The following KDM4C variants were observed in gnomAD, a reference collection of about 807,000 sequenced individuals.
The protein encoded by KDM4C is lysine-specific demethylase 4C.
A neutral mutation model predicts 129.3 loss-of-function variants in KDM4C; 81 were observed. The ratio of observed to expected loss-of-function variants is 0.63; its 90% confidence interval spans 0.52 to 0.75. The LOEUF is 0.75. Ranked by LOEUF, KDM4C falls within the 30% of genes least tolerant of loss-of-function variation. The pLI, the probability that KDM4C is intolerant of heterozygous loss-of-function variation, is 0.00. For synonymous variants in KDM4C, 573 were observed against 456.1 expected (o/e 1.26, Z -3.26); for missense variants, 1,457 against 1,304.0 (o/e 1.12, Z -1.81).
At chr9:6,965,458 A>C (rs191509637) in intron 8 of KDM4C, among the ~76,000 whole-genome samples, 3 of 152,218 alleles carry the variant, frequency 2.0e-5, no homozygotes, top group Non-Finnish European at 4.4e-5. Context: ...TCTCCAGACT[A>C]ACAATACCAG....
At chr9:6,898,758 T>C (rs981518335) in intron 8 of KDM4C, among the ~76,000 whole-genome samples, 1 of 152,240 alleles carries the variant, frequency 6.6e-6, no homozygotes, top group Non-Finnish European at 1.5e-5. Context: ...TCTCTAAAAT[T>C]AAGTTAGATA....
chr9:6,887,820 G>A, intron 6 of KDM4C, 140 bp from the exon 7 acceptor site: 1 of 565,742 alleles, frequency 1.8e-6, no homozygotes, highest in South Asian at 2.1e-5. Flanking sequence ...CTGAGTTTTA[G>A]TACAAGGGCT....
intron 15 of KDM4C, among the ~76,000 whole-genome samples, chr9:7,024,225 T>G (rs1825384127): frequency 6.6e-6 from 1 of 152,032 alleles, no homozygotes; most frequent in Admixed American, 6.6e-5. Flanking sequence ...CTGAGTGTGG[T>G]GTGTTGATGT....
At chr9:7,149,019 A>G (rs1188589731) in intron 19 of KDM4C, among the ~76,000 whole-genome samples, 1 of 152,178 alleles carries the variant, frequency 6.6e-6, no homozygotes, top group African/African-American at 2.4e-5. Context: ...GATCCCTCCC[A>G]TCCCTCCTAA....
At chr9:6,829,141 A>G (rs969787969) in intron 4 of KDM4C, among the ~76,000 whole-genome samples, 3 of 152,344 alleles carry the variant, frequency 2.0e-5, no homozygotes, top group African/African-American at 4.8e-5. Context: ...TGAGGGATAA[A>G]CAACACACAC....
chr9:6,948,279 G>A (rs1827332179), intron 8 of KDM4C: 1 of 152,088 alleles, frequency 6.6e-6, no homozygotes, highest in African/African-American at 2.4e-5. Flanking sequence ...GAATCATCCT[G>A]CCATTCCTTT....
intron 9 of KDM4C, among the ~76,000 whole-genome samples, chr9:6,983,854 TTTTAC>T (rs1400697770): frequency 6.6e-5 from 10 of 152,194 alleles, no homozygotes; most frequent in Non-Finnish European, 1.3e-4. Flanking sequence ...TTTCAACATT[TTTTAC>T]TTTATTTTTA....
intron 11 of KDM4C, among the ~76,000 whole-genome samples, chr9:6,990,141 G>A (rs1443498140): frequency 6.6e-6 from 1 of 152,052 alleles, no homozygotes; most frequent in Non-Finnish European, 1.5e-5. Flanking sequence ...TGAGCTTATT[G>A]CAGGTTTAAT....
At chr9:7,128,606 A>G (rs750172541) in intron 19 of KDM4C, among the ~76,000 whole-genome samples, 4 of 152,214 alleles carry the variant, frequency 2.6e-5, no homozygotes, top group Non-Finnish European at 5.9e-5. Context: ...GAATTCTTTT[A>G]TGACTTTCTT....
chr9:6,947,823 T>C (rs975282886), intron 8 of KDM4C, among the ~76,000 whole-genome samples: 2 of 137,060 alleles, frequency 1.5e-5, no homozygotes, highest in Non-Finnish European at 3.3e-5. Flanking sequence ...GCTTGTTCCT[T>C]GATATTTTTT....
intron 13 of KDM4C, among the ~76,000 whole-genome samples, chr9:7,012,584 G>C (rs1275342810): frequency 6.6e-6 from 1 of 152,114 alleles, no homozygotes; most frequent in Non-Finnish European, 1.5e-5. Context: ...AAAAGACACA[G>C]CCAAGACTCA....
rs1477922081 is a variant in KDM4C at position 6,788,057 on chromosome 9, C to A, written c.-17-4915C>A. Among the ~76,000 whole-genome samples, 4 of 152,322 alleles carry A rather than the reference C, an allele frequency of 2.6e-5. No individual in the cohort carries two copies. The South Asian group carries it at 6.2e-4, about 24-fold the overall frequency. ...GTCTCTTTCCTTGTTGTTCCTTCAG[C>A]CTAAAATGTTCTTCTTCCAGATATC... On this transcript the variant is annotated intron_variant, in intron 1 of 21. Coordinates refer to ENST00000381309, the MANE Select transcript of KDM4C (RefSeq NM_015061.6).
intron 1 of KDM4C, among the ~76,000 whole-genome samples, chr9:6,750,556 C>T (rs10117618): frequency 0.29 from 44,384 of 151,914 alleles, 7,125 homozygotes; most frequent in African/African-American, 0.42. Flanking sequence ...CAACTGAAAG[C>T]ACATCATAGG....
intron 17 of KDM4C, among the ~76,000 whole-genome samples, chr9:7,102,887 C>T (rs1249157178): frequency 6.6e-6 from 1 of 152,144 alleles, no homozygotes; most frequent in East Asian, 1.9e-4. Flanking sequence ...AGTATTAGTT[C>T]ACAACTTACA....
intron 4 of KDM4C, among the ~76,000 whole-genome samples, chr9:6,821,328 C>T (rs539973012): frequency 1.3e-5 from 2 of 152,200 alleles, no homozygotes; most frequent in Non-Finnish European, 2.9e-5. Context: ...CTAATTTACG[C>T]TCCCACCAAC....
chr9:6,772,277 G>C (rs887530161), intron 1 of KDM4C, among the ~76,000 whole-genome samples: 10 of 151,958 alleles, frequency 6.6e-5, no homozygotes, highest in African/African-American at 2.4e-4. Context: ...AGCCTCCTGA[G>C]TAGCTGGGAT....
intron 9 of KDM4C, chr9:6,982,559 A>G (rs895675783): frequency 5.3e-5 from 8 of 152,226 alleles, no homozygotes; most frequent in Admixed American, 5.2e-4. Context: ...ACTGTGGGTT[A>G]CATTCAAGAA....
intron 1 of KDM4C, among the ~76,000 whole-genome samples, chr9:6,747,189 T>C (rs1817910474): frequency 6.9e-6 from 1 of 145,396 alleles, no homozygotes. Context: ...CAAGACTCTG[T>C]CTCCAAAAAA....
intron 3 of KDM4C, among the ~76,000 whole-genome samples, chr9:6,807,044 A>G (rs896002105): frequency 3.3e-5 from 5 of 151,976 alleles, no homozygotes; most frequent in East Asian, 1.9e-4. Flanking sequence ...GATTGCAGGC[A>G]CGCGCCGCCA....
Sources: gnomAD v4.1 joint callset for allele counts (sites outside exome capture counted in the v4.1 genomes callset) on GRCh38, gnomAD v4.1.1 for gene constraint, MANE v1.5 for transcripts, NCBI Gene and HGNC (gene_info 2026-07-23, HGNC 2026-07-21) for gene names.